The following PPFIA1 variants were observed in gnomAD, a reference collection of about 807,000 sequenced individuals.
The protein encoded by PPFIA1 is liprin-alpha-1.
In PPFIA1, 25 loss-of-function variants were observed where a neutral mutation model predicts 149.9. The observed-to-expected ratio is 0.17, with a 90% CI of 0.12 to 0.23. The LOEUF (loss-of-function observed/expected upper bound fraction) is 0.23, where lower values mean the gene tolerates loss of function less well. Ranked by LOEUF, PPFIA1 falls within the 10% of genes least tolerant of loss-of-function variation. The pLI, the probability that PPFIA1 is intolerant of heterozygous loss-of-function variation, is 1.00. For synonymous variants in PPFIA1, 549 were observed against 552.8 expected (o/e 0.99, Z 0.10); for missense variants, 1,362 against 1,506.5 (o/e 0.90, Z 1.59).
At chr11:70,275,474 G>A (rs2050328128) in intron 2 of PPFIA1, among the ~76,000 whole-genome samples, 1 of 152,120 alleles carries the variant, frequency 6.6e-6, no homozygotes, top group African/African-American at 2.4e-5. Flanking sequence ...AATGTTTAAT[G>A]CTCTTTGTGT....
chr11:70,323,104 G>T (rs576379518), intron 2 of PPFIA1, among the ~76,000 whole-genome samples: 1 of 152,312 alleles, frequency 6.6e-6, no homozygotes, highest in South Asian at 2.1e-4. Flanking sequence ...AGCTCTCCCT[G>T]CTGACTAGCC....
intron 2 of PPFIA1, among the ~76,000 whole-genome samples, chr11:70,294,100 C>T (rs2051725720): frequency 6.6e-6 from 1 of 151,978 alleles, no homozygotes. Flanking sequence ...CACCACCATG[C>T]CCAGCTGAGT....
intron 1 of PPFIA1, 181 bp from the exon 2 acceptor site, chr11:70,271,992 T>C (rs2050123504): frequency 2.8e-6 from 2 of 717,486 alleles, no homozygotes; most frequent in East Asian, 5.0e-5. Context: ...TCATGTTGTG[T>C]ATTTTTGCAC....
intron 21 of PPFIA1, among the ~76,000 whole-genome samples, chr11:70,369,949 CT>C (rs36102876): frequency 0.35 from 51,094 of 145,638 alleles, 8,854 homozygotes; most frequent in Admixed American, 0.41. Flanking sequence ...CTCTTTTACT[CT>C]TTTTTTTTTT....
rs551772299 is a variant in PPFIA1 at position 70,335,885 on chromosome 11, C to A, written c.1428+191C>A. On this transcript the variant is annotated intron_variant, in intron 11 of 27. Coordinates refer to ENST00000253925, the MANE Select transcript of PPFIA1 (RefSeq NM_003626.5). ...AACTTATTGTTTGCTAAGTCCATGC[C>A]CCATTTGTGTGTATGGGAAATTGTT... is the stretch of plus-strand genomic sequence containing the variant. Among the ~76,000 whole-genome samples, 12 of 152,182 alleles carry A rather than the reference C, an allele frequency of 7.9e-5. 1 individual carries two copies. The highest frequency in any genetic ancestry group is 4.2e-4 in the South Asian group (2 of 4,818).
Position 70,348,401 on chromosome 11 carries a change from G to T in PPFIA1, c.2144G>T (p.Arg715Ile), listed in dbSNP as rs552377365. The T allele has an allele frequency of 8.1e-6, 13 of 1,611,448 alleles. No homozygotes were observed. The South Asian group carries it at 1.4e-4, about 18-fold the overall frequency. Residue 715 changes from arginine (R) to isoleucine (I), a missense_variant, in exon 16 of 28, where the codon AGA (arginine) becomes ATA (isoleucine). Arg to Ile is a moderately conservative substitution (Grantham distance 97). Around this residue, in one of 7 missense-constraint regions of PPFIA1, gnomAD observed 733 missense variants for 744.1 expected, o/e 0.99. Transcript: ENST00000253925. ...IPHSPAREVD[R>I]LGVMTLLPPS... The stretch of plus-strand genomic sequence containing the variant: ...CACAGCCCAGCTCGGGAAGTGGACA[G>T]ACTGGGCGTCATGACCCTTGTACGT...
intron 7 of PPFIA1, among the ~76,000 whole-genome samples, chr11:70,329,465 G>T (rs1293227537): frequency 1.3e-5 from 2 of 151,214 alleles, no homozygotes; most frequent in African/African-American, 4.9e-5. Flanking sequence ...ATTTATTTTT[G>T]AGACAGGATC....
intron 2 of PPFIA1, among the ~76,000 whole-genome samples, chr11:70,296,237 A>G (rs1292041204): frequency 6.8e-6 from 1 of 146,942 alleles, no homozygotes. Context: ...ATCCCAGACG[A>G]TGGGCGGCCA....
At chr11:70,300,150 C>T (rs532204104) in intron 2 of PPFIA1, among the ~76,000 whole-genome samples, 3 of 152,004 alleles carry the variant, frequency 2.0e-5, no homozygotes, top group East Asian at 1.9e-4. Context: ...CCAGCCATGC[C>T]CTCTGCCCCT....
intron 2 of PPFIA1, among the ~76,000 whole-genome samples, chr11:70,321,849 T>C (rs553671006): frequency 2.6e-5 from 4 of 152,394 alleles, no homozygotes; most frequent in South Asian, 4.1e-4. Flanking sequence ...TTGACAGTTA[T>C]GTGCCATATT....
In PPFIA1 at chr11:70,326,091, C is replaced by T. The variant is rs578250413; in HGVS notation, c.607-171C>T. Reference sequence around the variant, plus strand: ...TCGTCTGGCCAGTGGATAATAAATTCCATCTTCAATGATCTGGTTATTTTC... The same window carrying T: ...TCGTCTGGCCAGTGGATAATAAATTTCATCTTCAATGATCTGGTTATTTTC... On this transcript the variant is annotated intron_variant, in intron 5 of 27. Coordinates refer to ENST00000253925, the MANE Select transcript of PPFIA1 (RefSeq NM_003626.5). Among the ~76,000 whole-genome samples the T allele has an allele frequency of 2.0e-5, 3 of 152,242 alleles. No homozygotes were observed. The East Asian group carries it at 5.8e-4, about 29-fold the overall frequency.
chr11:70,274,819 A>G (rs962710630), intron 2 of PPFIA1, among the ~76,000 whole-genome samples: 3 of 152,024 alleles, frequency 2.0e-5, no homozygotes, highest in African/African-American at 7.2e-5. Flanking sequence ...CCCAGGTTGA[A>G]GCGATTCTCC....
intron 14 of PPFIA1, among the ~76,000 whole-genome samples, chr11:70,341,334 C>G (rs535258733): frequency 6.6e-6 from 1 of 151,206 alleles, no homozygotes; most frequent in Admixed American, 6.6e-5. Context: ...GCACATGGAG[C>G]GTGTTCAGTG....
chr11:70,328,278 T>C (rs2054445367), intron 7 of PPFIA1, among the ~76,000 whole-genome samples: 1 of 152,132 alleles, frequency 6.6e-6, no homozygotes, highest in South Asian at 2.1e-4. Flanking sequence ...TTCCCCTCTG[T>C]CTGTCCCTGT....
chr11:70,279,110 G>T (rs1014686702), intron 2 of PPFIA1: 1 of 540,008 alleles, frequency 1.9e-6, no homozygotes, highest in East Asian at 4.2e-5. Context: ...GTACCTCTGC[G>T]GTGAGGTACT....
At chr11:70,347,041 G>A (rs1026050319) in intron 15 of PPFIA1, among the ~76,000 whole-genome samples, 8 of 152,016 alleles carry the variant, frequency 5.3e-5, no homozygotes, top group Non-Finnish European at 1.2e-4. Flanking sequence ...ATCAGATAAC[G>A]CTCTGGTTCA....
intron 2 of PPFIA1, among the ~76,000 whole-genome samples, chr11:70,309,526 T>C (rs1406472011): frequency 6.6e-6 from 1 of 152,040 alleles, no homozygotes; most frequent in East Asian, 1.9e-4. Context: ...TGTTTAAGTA[T>C]TGAAATGCTA....
chr11:70,376,934 G>C (rs566192203), intron 25 of PPFIA1, among the ~76,000 whole-genome samples: 1 of 152,030 alleles, frequency 6.6e-6, no homozygotes, highest in Non-Finnish European at 1.5e-5. Flanking sequence ...TTAGCCGGGC[G>C]TTGTGGTAGG....
At chr11:70,286,722 AT>A (rs1328869939) in intron 2 of PPFIA1, among the ~76,000 whole-genome samples, 9 of 142,980 alleles carry the variant, frequency 6.3e-5, no homozygotes, top group Admixed American at 2.8e-4. Flanking sequence ...GCAGTATCTT[AT>A]CCCTTTTTGC....
Sources: allele counts gnomAD v4.1 joint callset (sites outside exome capture counted in the v4.1 genomes callset), GRCh38; gene constraint gnomAD v4.1.1; regional missense constraint gnomAD v4.1.1; transcripts MANE v1.5; gene names NCBI Gene and HGNC (gene_info 2026-07-23, HGNC 2026-07-21).